PLEKHA5: variants seen among roughly 807,000 people sequenced by gnomAD.
The protein encoded by PLEKHA5 is pleckstrin homology domain containing A5.
PLEKHA5 carries 55 observed loss-of-function variants against 181.9 expected under a neutral mutation model. The observed-to-expected ratio is 0.30, with a 90% CI of 0.24 to 0.38. The LOEUF (loss-of-function observed/expected upper bound fraction) is 0.38. PLEKHA5 is among the 10% of genes least tolerant of loss of function. The pLI is 1.00. For synonymous variants in PLEKHA5, 535 were observed against 529.4 expected (o/e 1.01, Z -0.15); for missense variants, 1,432 against 1,549.5 (o/e 0.92, Z 1.27).
At chr12:19,353,159 T>A (rs866366742) in intron 25 of PLEKHA5, among the ~76,000 whole-genome samples, 14 of 151,898 alleles carry the variant, frequency 9.2e-5, no homozygotes, top group Middle Eastern at 6.8e-3. Context: ...TTATTTATTT[T>A]TTTATTTATT....
chr12:19,314,799 C>T lies in PLEKHA5; in HGVS notation c.2038-15C>T. On this transcript the variant is annotated splice_polypyrimidine_tract_variant and intron_variant, in intron 15 of 31. Coordinates refer to ENST00000429027, the MANE Select transcript of PLEKHA5 (RefSeq NM_001256470.2). ...AAACTGATGTTTGCTGTATGCTCCT[C>T]CTGATTTGAAATAGATGAAAGAAAA... is the stretch of plus-strand genomic sequence containing the variant. 4 of 1,443,728 alleles carry T rather than the reference C, an allele frequency of 2.8e-6. No homozygotes were observed. Among genetic ancestry groups the T allele is most frequent in the Non-Finnish European group, 3.8e-6 (4 of 1,048,792 alleles). The allele number at this position is 1,443,728 out of a possible 1,614,324, so 89.4% of individuals were successfully genotyped here. A position where few individuals can be genotyped will look rare whatever the true frequency, so the allele number is the denominator to read the frequency against.
chr12:19,179,911 G>A (rs1243814666), intron 3 of PLEKHA5, among the ~76,000 whole-genome samples: 1 of 152,066 alleles, frequency 6.6e-6, no homozygotes, highest in Non-Finnish European at 1.5e-5. Context: ...TATTTCCCAG[G>A]CCGGACTTCA....
In PLEKHA5 at chr12:19,198,129, A is replaced by G. The variant is rs141319684; in HGVS notation, c.228-55811A>G. 3.1e-3 allele frequency among the ~76,000 whole-genome samples: 478 copies of G among 152,110 alleles called. 2 individuals are homozygous for G. Among genetic ancestry groups the G allele is most frequent in the African/African-American group, 0.011 (461 of 41,488 alleles). ...TGACCCTTTACAATCCATTCTCCAC[A>G]CTAGCTAGATTCATTTTCTTAAAAT... On this transcript the variant is annotated intron_variant, in intron 3 of 31. Coordinates refer to ENST00000429027, the MANE Select transcript of PLEKHA5 (RefSeq NM_001256470.2).
chr12:19,212,275 C>T (rs566749215), intron 3 of PLEKHA5, among the ~76,000 whole-genome samples: 35 of 151,990 alleles, frequency 2.3e-4, no homozygotes, highest in Non-Finnish European at 3.8e-4. Flanking sequence ...GGAGACAGAG[C>T]GAGATTCCAT....
intron 3 of PLEKHA5, among the ~76,000 whole-genome samples, chr12:19,204,277 C>T (rs548282905): frequency 6.6e-6 from 1 of 152,200 alleles, no homozygotes; most frequent in South Asian, 2.1e-4. Context: ...AAAGATGGGT[C>T]AGCCCCACTC....
At position 19,186,544 on chromosome 12, in the gene PLEKHA5, A is replaced by G. The variant is rs919971647; in HGVS notation, c.227+54094A>G. On this transcript the variant is annotated intron_variant, in intron 3 of 31. Coordinates refer to ENST00000429027, the MANE Select transcript of PLEKHA5 (RefSeq NM_001256470.2). ...GTATACCAAATTTACTTTCTTCTAT[A>G]GAATAATGCCAACTACTTTCTAATT... Among the ~76,000 whole-genome samples, 45 of 152,242 alleles carry G rather than the reference A, an allele frequency of 3.0e-4. 1 individual carries two copies. The highest frequency in any genetic ancestry group is 1.3e-4 in the Non-Finnish European group (9 of 68,042).
Position 19,253,908 on chromosome 12 carries a change from C to A in PLEKHA5, c.228-32C>A, listed in dbSNP as rs373043951. 4.2e-4 allele frequency: 489 copies of A among 1,156,146 alleles called. 1 individual carries two copies. The highest frequency in any genetic ancestry group is 9.3e-5 in the Non-Finnish European group (72 of 770,296). 71.6% of individuals were successfully genotyped at this position (1,156,146 alleles called of 1,614,324 possible). On this transcript the variant is annotated intron_variant, in intron 3 of 31. Transcript: ENST00000429027. ...AATAAATGGGAATTTTAAATACCTG[C>A]ATGTTCTGTTTTTCTTTTTTCCTTT...
At chr12:19,250,589 A>T (rs1244933656) in intron 3 of PLEKHA5, among the ~76,000 whole-genome samples, 3 of 152,170 alleles carry the variant, frequency 2.0e-5, no homozygotes, top group Non-Finnish European at 4.4e-5. Context: ...GTCTCCAAAA[A>T]TAAAGATAAT....
intron 9 of PLEKHA5, 123 bp from the exon 10 acceptor site, chr12:19,270,065 C>T (rs1034097132): frequency 2.5e-5 from 16 of 640,408 alleles, no homozygotes; most frequent in Middle Eastern, 2.7e-4. Context: ...TGTTAGTTTG[C>T]GATACCACCT....
At chr12:19,176,111 T>G (rs968918738) in intron 3 of PLEKHA5, among the ~76,000 whole-genome samples, 14 of 152,110 alleles carry the variant, frequency 9.2e-5, no homozygotes, top group Non-Finnish European at 1.8e-4. Context: ...ATTGACTTAT[T>G]TTATTAAACC....
At chr12:19,233,997 G>C (rs1242078006) in intron 3 of PLEKHA5, among the ~76,000 whole-genome samples, 1 of 152,214 alleles carries the variant, frequency 6.6e-6, no homozygotes, top group Non-Finnish European at 1.5e-5. Context: ...AGTTAAACTT[G>C]TCATCAGTGA....
chr12:19,174,323 G>T (rs890050987), intron 3 of PLEKHA5, among the ~76,000 whole-genome samples: 5 of 152,090 alleles, frequency 3.3e-5, no homozygotes, highest in Non-Finnish European at 7.4e-5. Context: ...CACTGGAGGT[G>T]TTAATTCTTT....
At chr12:19,264,515 C>T (rs2069646647) in intron 7 of PLEKHA5, among the ~76,000 whole-genome samples, 1 of 152,140 alleles carries the variant, frequency 6.6e-6, no homozygotes, top group Admixed American at 6.6e-5. Flanking sequence ...TTTAAATTGT[C>T]ACATTCTCTG....
intron 15 of PLEKHA5, among the ~76,000 whole-genome samples, chr12:19,296,540 C>G (rs1444169484): frequency 7.4e-6 from 1 of 134,828 alleles, no homozygotes; most frequent in East Asian, 2.3e-4. Context: ...GAGCAAGACT[C>G]TATCTCAAAA....
chr12:19,138,838 G>A (rs924181143), intron 3 of PLEKHA5, among the ~76,000 whole-genome samples: 2 of 152,192 alleles, frequency 1.3e-5, no homozygotes, highest in Admixed American at 6.5e-5. Flanking sequence ...ATGCTAGGAT[G>A]ATGGGAGGTG....
chr12:19,348,604 T>C, intron 25 of PLEKHA5, 85 bp downstream of exon 25: 2 of 1,041,566 alleles, frequency 1.9e-6, no homozygotes, highest in Non-Finnish European at 2.7e-6. Flanking sequence ...TCCATTTACA[T>C]GTTGACTCAT....
Position 19,260,946 on chromosome 12 carries a change from C to A in PLEKHA5, c.538-3C>A. 1 of 1,561,376 alleles carries A rather than the reference C, an allele frequency of 6.4e-7. No individual in the cohort carries two copies. The highest frequency in any genetic ancestry group is 1.2e-5 in the South Asian group (1 of 82,702). On this transcript the variant is annotated splice_polypyrimidine_tract_variant and splice_region_variant and intron_variant, in intron 6 of 31. Coordinates refer to ENST00000429027, the MANE Select transcript of PLEKHA5 (RefSeq NM_001256470.2). ...AATCCTTAAATATGCTGATTTAATC[C>A]AGGACAGTACTGGCATGAAATTGTG...
At chr12:19,194,296 G>A (rs906805485) in intron 3 of PLEKHA5, among the ~76,000 whole-genome samples, 2 of 152,080 alleles carry the variant, frequency 1.3e-5, no homozygotes, top group Admixed American at 6.6e-5. Flanking sequence ...TTTCATGGCC[G>A]AATAGTATTC....
At chr12:19,206,490 G>A (rs541483465) in intron 3 of PLEKHA5, among the ~76,000 whole-genome samples, 1 of 152,020 alleles carries the variant, frequency 6.6e-6, no homozygotes, top group Admixed American at 6.6e-5. Flanking sequence ...TTTCCTTCGG[G>A]GAAAATCATG....
Sources: allele counts gnomAD v4.1 joint callset (sites outside exome capture counted in the v4.1 genomes callset), GRCh38; gene constraint gnomAD v4.1.1; transcripts MANE v1.5; gene names NCBI Gene and HGNC (gene_info 2026-07-23, HGNC 2026-07-21).